The following FXYD3 variants were observed in gnomAD, a reference collection of about 807,000 sequenced individuals.
The protein encoded by FXYD3 is FXYD domain-containing ion transport regulator 3.
A neutral mutation model predicts 19.2 loss-of-function variants in FXYD3; 13 were observed. The ratio of observed to expected loss-of-function variants is 0.68; its 90% CI spans 0.44 to 1.08. The LOEUF (loss-of-function observed/expected upper bound fraction) is 1.08, where lower values mean the gene tolerates loss of function less well. Ranked by LOEUF, FXYD3 falls within the 50% of genes least tolerant of loss-of-function variation. The pLI, the probability that FXYD3 is intolerant of heterozygous loss-of-function variation, is 0.00. For synonymous variants in FXYD3, 48 were observed against 38.9 expected, an observed-to-expected ratio of 1.23 and a Z score of -0.87; for missense variants, 101 against 109.4, an observed-to-expected ratio of 0.92 and a Z score of 0.34.
In FXYD3 at chr19:35,123,874, C is replaced by A; in HGVS notation, c.*417C>A. On this transcript the variant is annotated 3_prime_UTR_variant, in exon 9 of 9. Transcript: ENST00000604404. ...TATGCAATTTGGGATTTACTAGTAG[C>A]CAAAAGGAATGAAAGAGAGCTCTAA... The A allele has an allele frequency of 4.0e-6, 1 of 249,294 alleles. No homozygotes were observed. Among genetic ancestry groups the A allele is most frequent in the Non-Finnish European group, 7.9e-6 (1 of 127,242 alleles). The allele number at this position is 249,294 out of a possible 1,614,324, so 15.4% of individuals were successfully genotyped here.
chr19:35,116,862 C>G, intron 2 of FXYD3: 1 of 864,434 alleles, frequency 1.2e-6, no homozygotes, highest in Non-Finnish European at 1.3e-6. Context: ...TTCTGGAGAC[C>G]TCCAGGAAAA....
At chr19:35,118,725 A>C in intron 2 of FXYD3, 1 of 298,562 alleles carries the variant, frequency 3.3e-6, no homozygotes, top group Non-Finnish European at 5.5e-6. Context: ...GGCTGCAGCC[A>C]GGAGGTAGAG....
In FXYD3 at chr19:35,123,937, C is replaced by T. The variant is rs142394434; in HGVS notation, c.*480C>T. ...CTGGAACATTCCAGTGGACCCTGGA[C>T]CATTCCAGGAAAACTGGGACATAGG... On this transcript the variant is annotated 3_prime_UTR_variant, in exon 9 of 9. Transcript: ENST00000604404. The T allele has an allele frequency of 6.6e-3, 1,195 of 180,316 alleles. 19 individuals are homozygous for T. Among genetic ancestry groups the T allele is most frequent in the African/African-American group, 0.026 (1,124 of 42,510 alleles). The allele number at this position is 180,316 out of a possible 1,614,324, so 11.2% of individuals were successfully genotyped here.
intron 3 of FXYD3, among the ~76,000 whole-genome samples, chr19:35,120,204 A>ATC (rs2065009905): frequency 6.7e-6 from 1 of 149,752 alleles, no homozygotes; most frequent in Non-Finnish European, 1.5e-5. Flanking sequence ...CAGTGGCATG[A>ATC]TCTCGGCTCA....
chr19:35,116,852 T>G, intron 2 of FXYD3: 6 of 984,012 alleles, frequency 6.1e-6, no homozygotes, highest in Non-Finnish European at 7.2e-6. Flanking sequence ...GGGATCTGGA[T>G]TCTGGAGACC....
At chr19:35,116,528 A>G (rs1012043054) in intron 2 of FXYD3, 169 bp downstream of exon 2, 7 of 985,250 alleles carry the variant, frequency 7.1e-6, no homozygotes, top group African/African-American at 5.2e-5. Context: ...CCCTTCCCCT[A>G]ATGTCCCTTT....
Position 35,121,244 on chromosome 19 carries a change from T to C in FXYD3, c.96T>C (p.Tyr32=). 2.5e-6 allele frequency: 4 copies of C among 1,614,038 alleles called. No homozygotes were observed. Among genetic ancestry groups the C allele is most frequent in the Non-Finnish European group, 2.5e-6 (3 of 1,179,908 alleles). ...CAGATAAAAACAGTCCTTTCTACTA[T>C]GGTGAGAGCCCGTGCCCCCTTTCCC... is the stretch of plus-strand genomic sequence containing the variant. ...DLEDKNSPFY[Y]DWHSLQVGGL... Residue 32 remains tyrosine, a splice_region_variant and synonymous_variant, in exon 5 of 9, where the codon TAT becomes TAC. Coordinates refer to ENST00000604404, the MANE Select transcript of FXYD3 (RefSeq NM_005971.4).
chr19:35,122,488 GT>G (rs1237257589), intron 5 of FXYD3, among the ~76,000 whole-genome samples: 1 of 152,090 alleles, frequency 6.6e-6, no homozygotes, highest in Admixed American at 6.6e-5. Context: ...AACCTAATAG[GT>G]GTCAGCCACT....
chr19:35,122,964 T>A lies in FXYD3; in HGVS notation c.209+10T>A. On this transcript the variant is annotated intron_variant, in intron 7 of 8. Transcript: ENST00000604404. ...TTGGCCAGAAGTCCGGGTAAGATAC[T>A]GTTCCGGCATGCCCGCCTCAGGCTG... The A allele has an allele frequency of 6.4e-7, 1 of 1,571,996 alleles. No individual in the cohort carries two copies. Among genetic ancestry groups the A allele is most frequent in the Non-Finnish European group, 8.6e-7 (1 of 1,157,796 alleles).
Position 35,123,897 on chromosome 19 carries a change from T to G in FXYD3, c.*440T>G. On this transcript the variant is annotated 3_prime_UTR_variant, in exon 9 of 9. Transcript: ENST00000604404. ...AGCCAAAAGGAATGAAAGAGAGCTCTAACCAGATGGAACACTGGAACATTC... is the reference window on the plus strand; with the variant it reads ...AGCCAAAAGGAATGAAAGAGAGCTCGAACCAGATGGAACACTGGAACATTC... 2 of 228,030 alleles carry G rather than the reference T, an allele frequency of 8.8e-6. No homozygotes were observed. Among genetic ancestry groups the G allele is most frequent in the Non-Finnish European group, 1.8e-5 (2 of 113,908 alleles). 14.1% of individuals were successfully genotyped at this position (228,030 alleles called of 1,614,324 possible). A position where few individuals can be genotyped will look rare whatever the true frequency, so the allele number is the denominator to read the frequency against.
intron 2 of FXYD3, among the ~76,000 whole-genome samples, chr19:35,118,833 T>C (rs762618526): frequency 2.0e-4 from 30 of 151,998 alleles, no homozygotes; most frequent in Non-Finnish European, 3.1e-4. Context: ...CAGCCTGAAG[T>C]CTGCAATGTC....
At chr19:35,117,030 C>G (rs1286417298) in intron 2 of FXYD3, 2 of 985,344 alleles carry the variant, frequency 2.0e-6, no homozygotes, top group East Asian at 2.3e-4. Context: ...GTGGGGGAAA[C>G]AGTCCTCAGG....
In FXYD3 at chr19:35,123,629, TA is replaced by T. The variant is rs1461305119; in HGVS notation, c.*174del. ...GAGGGTCTCTTTGTTCAATTTTTTT[TA>T]ATCTAAAATGATTGTGCCTCTGCCC... On this transcript the variant is annotated 3_prime_UTR_variant, in exon 9 of 9. Coordinates refer to ENST00000604404, the MANE Select transcript of FXYD3 (RefSeq NM_005971.4). 7.1e-5 allele frequency: 48 copies of T among 674,796 alleles called. No homozygotes were observed. The highest frequency in any genetic ancestry group is 4.1e-4 in the Middle Eastern group (1 of 2,464). 41.8% of individuals were successfully genotyped at this position (674,796 alleles called of 1,614,324 possible). A position where few individuals can be genotyped will look rare whatever the true frequency, so the allele number is the denominator to read the frequency against.
At chr19:35,121,378 G>A (rs1170856115) in intron 5 of FXYD3, 133 bp downstream of exon 5, 1 of 1,605,846 alleles carries the variant, frequency 6.2e-7, no homozygotes, top group Non-Finnish European at 8.5e-7. Context: ...TGGGGTTACT[G>A]AATATGCCAC....
chr19:35,116,165 C>G, intron 1 of FXYD3, 99 bp from the exon 2 acceptor site: 1 of 968,596 alleles, frequency 1.0e-6, no homozygotes, highest in Non-Finnish European at 1.2e-6. Context: ...AGGGAGCAAC[C>G]TGCCGCCCAT....
chr19:35,123,211 T>C, intron 7 of FXYD3, 60 bp from the exon 8 acceptor site: 1 of 1,535,778 alleles, frequency 6.5e-7, no homozygotes, highest in South Asian at 1.3e-5. Flanking sequence ...AAGAACCCTC[T>C]ATCCGGAGGG....
intron 8 of FXYD3, 41 bp downstream of exon 8, chr19:35,123,349 G>A: frequency 6.7e-7 from 1 of 1,485,554 alleles, no homozygotes; most frequent in East Asian, 2.4e-5. Flanking sequence ...ACACGGAAGT[G>A]GTGTGTGTGT....
chr19:35,117,532 C>T (rs1008483446), intron 2 of FXYD3, among the ~76,000 whole-genome samples: 4 of 151,940 alleles, frequency 2.6e-5, no homozygotes, highest in African/African-American at 9.7e-5. Flanking sequence ...AAAATGCCCC[C>T]ATGGGGTAGA....
At chr19:35,121,140 A>AC (rs1207226743) in intron 4 of FXYD3, 30 bp downstream of exon 4, 1 of 1,613,690 alleles carries the variant, frequency 6.2e-7, no homozygotes, top group East Asian at 2.2e-5. Flanking sequence ...CACCCGTCAC[A>AC]CCCCCAAATT....
Sources: allele counts gnomAD v4.1 joint callset (sites outside exome capture counted in the v4.1 genomes callset), GRCh38; gene constraint gnomAD v4.1.1; transcripts MANE v1.5; gene names NCBI Gene and HGNC (gene_info 2026-07-23, HGNC 2026-07-21).